A2M: variants seen among roughly 807,000 people sequenced by gnomAD.
The protein encoded by A2M is C3 and PZP-like alpha-2-macroglobulin domain-containing protein 5.
Under a neutral mutation model 183.9 loss-of-function variants are expected in A2M, and 128 were observed. The observed-to-expected ratio is 0.70, with a 90% CI of 0.60 to 0.81. The LOEUF (loss-of-function observed/expected upper bound fraction) is 0.81. Among genes scored for constraint, A2M ranks in the 30% least tolerant of loss-of-function variants. The probability of loss-of-function intolerance (pLI) is 0.00; values close to 1 mark genes in which losing one functional copy is unlikely to be tolerated. For synonymous variants in A2M, 592 were observed against 670.8 expected (o/e 0.88, Z 1.81); for missense variants, 1,495 against 1,787.6 (o/e 0.84, Z 2.95).
chr12:9,101,264 T>A, intron 12 of A2M, 57 bp from the exon 13 acceptor site: 1 of 1,509,602 alleles, frequency 6.6e-7, no homozygotes, highest in Non-Finnish European at 9.0e-7. Flanking sequence ...CGCTTCAGTC[T>A]CACTTCAATA....
chr12:9,099,311 G>A, intron 14 of A2M, 70 bp downstream of exon 14: 1 of 1,465,166 alleles, frequency 6.8e-7, no homozygotes, highest in Non-Finnish European at 9.3e-7. Flanking sequence ...GTTCACATGT[G>A]TAAAACAAAT....
intron 22 of A2M, among the ~76,000 whole-genome samples, chr12:9,082,721 T>C (rs763994325): frequency 6.6e-6 from 1 of 152,336 alleles, no homozygotes; most frequent in African/African-American, 2.4e-5. Context: ...TAAAGATCTA[T>C]GAAATCACTG....
intron 29 of A2M, among the ~76,000 whole-genome samples, chr12:9,074,187 G>C (rs2137661915): frequency 6.6e-6 from 1 of 152,230 alleles, no homozygotes; most frequent in East Asian, 1.9e-4. Flanking sequence ...GATTTGCGAG[G>C]AGAGGTTGTT....
At chr12:9,086,401 C>G (rs1949053410) in intron 22 of A2M, among the ~76,000 whole-genome samples, 1 of 152,250 alleles carries the variant, frequency 6.6e-6, no homozygotes, top group Admixed American at 6.5e-5. Flanking sequence ...ACGAAATAAA[C>G]TAGCAGACTA....
rs74878986 is a variant in A2M at position 9,098,811 on chromosome 12, T to C, written c.1702-55A>G. ...GCAAATTTCCAGGTTTACCCATGCA[T>C]TCACTCGCATTTGCAGAGTGTTCCT... is the stretch of plus-strand genomic sequence containing the variant. On this transcript the variant is annotated intron_variant, in intron 14 of 35. Coordinates refer to ENST00000318602, the MANE Select transcript of A2M (RefSeq NM_000014.6). 4,684 of 1,581,144 alleles carry C rather than the reference T, an allele frequency of 3.0e-3. 17 individuals carry two copies. Among genetic ancestry groups the C allele is most frequent in the South Asian group, 3.7e-3 (319 of 85,920 alleles).
intron 29 of A2M, 115 bp downstream of exon 29, chr12:9,074,445 C>T: frequency 9.5e-7 from 1 of 1,052,010 alleles, no homozygotes; most frequent in Non-Finnish European, 1.4e-6. Context: ...AAAACTTTTC[C>T]TCATTTCAAG....
At position 9,079,654 on chromosome 12, in the gene A2M, C is replaced by T; in HGVS notation, c.3016G>A (p.Gly1006Ser). 6.2e-7 allele frequency: 1 copy of T among 1,613,260 alleles called. No homozygotes were observed. Among genetic ancestry groups the T allele is most frequent in the Non-Finnish European group, 8.5e-7 (1 of 1,179,510 alleles). ...LTPEIKSKAIGYLNTGYQRQL... is the reference protein window; with the variant it reads ...LTPEIKSKAISYLNTGYQRQL... ...AATCACTCACCAGTGTTGAGATAGC[C>T]AATGGCCTTGGACTTGATCTCTGGA... The change falls in exon 24 of 36, where the codon GGC becomes AGC. Residue 1006 changes from glycine to serine, a missense_variant. Gly to Ser is a moderately conservative substitution (Grantham distance 56). Transcript: ENST00000318602.
chr12:9,076,818 G>A lies in A2M; in HGVS notation c.3470C>T (p.Ala1157Val). The A allele has an allele frequency of 1.2e-6, 2 of 1,613,958 alleles. No homozygotes were observed. The highest frequency in any genetic ancestry group is 1.7e-6 in the Non-Finnish European group (2 of 1,179,956). Residue 1157 changes from alanine to valine, a missense_variant, in exon 28 of 36, where the codon GCA becomes GTA. Physicochemically the swap from Ala to Val is moderately conservative, Grantham distance 64. Transcript: ENST00000318602. ...TTCCTTCCTCTTGTCCTGGTTACCT[G>A]CCAGGGCAAAAGCATAGGCCAGCAG... ...KALLAYAFALAGNQDKRKEVL... is the reference protein window; with the variant it reads ...KALLAYAFALVGNQDKRKEVL...
At position 9,074,578 on chromosome 12, in the gene A2M, G is replaced by T. The variant is rs928708801; in HGVS notation, c.3738C>A (p.Gly1246=). 1 of 1,611,672 alleles carries T rather than the reference G, an allele frequency of 6.2e-7. No individual in the cohort carries two copies. Residue 1246 remains glycine (G), a synonymous_variant, in exon 29 of 36, where the codon GGC becomes GGA. Transcript: ENST00000318602. Reference sequence around the variant, plus strand: ...CACCAACCTGGGTGGAGGAGAAACCGCCCTGGGCATTCTGCTGCTTCGTGA... The same window carrying T: ...CACCAACCTGGGTGGAGGAGAAACCTCCCTGGGCATTCTGCTGCTTCGTGA... ...KWITKQQNAQ[G]GFSSTQDTVV...
Position 9,109,983 on chromosome 12 carries a change from C to T in A2M, c.557G>A (p.Gly186Asp). Residue 186 changes from glycine to aspartate, a missense_variant, in exon 6 of 36, where the codon GGC becomes GAC. By Grantham distance (94) the Gly-to-Asp change is moderately conservative (BLOSUM62 -1). Transcript: ENST00000318602. ...GAGGGGAAAAGAAAATTGCTTGAGGCCACCCTCTAACTGGAAACTCTGCCA... is the reference window on the plus strand; with the variant it reads ...GAGGGGAAAAGAAAATTGCTTGAGGTCACCCTCTAACTGGAAACTCTGCCA... ...AQWQSFQLEG[G>D]LKQFSFPLSS... 6.2e-7 allele frequency: 1 copy of T among 1,613,596 alleles called. No homozygotes were observed. Among genetic ancestry groups the T allele is most frequent in the Non-Finnish European group, 8.5e-7 (1 of 1,179,696 alleles).
At position 9,079,751 on chromosome 12, in the gene A2M, T is replaced by C; in HGVS notation, c.2919A>G (p.Gly973=). 1.2e-6 allele frequency: 2 copies of C among 1,613,666 alleles called. No individual in the cohort carries two copies. Among genetic ancestry groups the C allele is most frequent in the African/African-American group, 1.3e-5 (1 of 75,042 alleles). The change falls in exon 24 of 36, where the codon GGA becomes GGG. Residue 973 remains glycine, a synonymous_variant. Transcript: ENST00000318602. ...QNLLQMPYGC[G]EQNMVLFAPN... ...GAGCAAAGAGGACCATATTCTGCTC[T>C]CCACAGCCATAGGGCATCTGGAGAA...
At position 9,091,401 on chromosome 12, in the gene A2M, T is replaced by C. The variant is rs752065123; in HGVS notation, c.2269A>G (p.Thr757Ala). 4 of 1,614,182 alleles carry C rather than the reference T, an allele frequency of 2.5e-6. No individual in the cohort carries two copies. The Admixed American group carries it at 5.0e-5, about 20-fold the overall frequency. Reference protein sequence around the residue: ...NSAGVAEVGVTVPDTITEWKA... With the variant: ...NSAGVAEVGVAVPDTITEWKA... Reference sequence around the variant, plus strand: ...CACTCGGTGATGGTGTCAGGGACTGTTACTCCTACCTCAGCCACACCTGCT... The same window carrying C: ...CACTCGGTGATGGTGTCAGGGACTGCTACTCCTACCTCAGCCACACCTGCT... The change falls in exon 19 of 36, where the codon ACA (threonine) becomes GCA (alanine). Residue 757 changes from threonine (T) to alanine (A), a missense_variant. Physicochemically the swap from Thr to Ala is moderately conservative, Grantham distance 58. Transcript: ENST00000318602.
At chr12:9,080,260 A>ACTAT in intron 22 of A2M, 83 bp from the exon 23 acceptor site, 1 of 896,702 alleles carries the variant, frequency 1.1e-6, no homozygotes, top group Non-Finnish European at 1.8e-6. Context: ...AGAAGCTAGG[A>ACTAT]CTATGCCTTA....
chr12:9,077,821 A>C lies in A2M; in HGVS notation c.3156T>G (p.Ala1052=), dbSNP rs767418416. 1 of 1,614,150 alleles carries C rather than the reference A, an allele frequency of 6.2e-7. No homozygotes were observed. Among genetic ancestry groups the C allele is most frequent in the Non-Finnish European group, 8.5e-7 (1 of 1,180,008 alleles). The change falls in exon 26 of 36, where the codon GCT becomes GCG. Residue 1052 remains alanine (A), a synonymous_variant. Transcript: ENST00000318602. Reference sequence around the variant, plus strand: ...CTTCATCGATGAAGATGTAGGCTCGAGCTTGGGCAAAAGTCTTCAGAACAA... The same window carrying C: ...CTTCATCGATGAAGATGTAGGCTCGCGCTTGGGCAAAAGTCTTCAGAACAA... ...TAFVLKTFAQ[A]RAYIFIDEAH...
At chr12:9,112,131 C>G in intron 4 of A2M, 28 bp downstream of exon 4, 1 of 1,611,222 alleles carries the variant, frequency 6.2e-7, no homozygotes. Context: ...TACAGACAAT[C>G]ATTTTATGTA....
intron 11 of A2M, 26 bp from the exon 12 acceptor site, chr12:9,101,700 T>A: frequency 6.6e-7 from 1 of 1,516,216 alleles, no homozygotes; most frequent in African/African-American, 1.4e-5. Flanking sequence ...AATTATATTA[T>A]TTTTAGATTA....
intron 22 of A2M, among the ~76,000 whole-genome samples, chr12:9,086,625 T>C (rs536678325): frequency 2.0e-4 from 30 of 152,198 alleles, no homozygotes; most frequent in Non-Finnish European, 3.7e-4. Flanking sequence ...AAATTAGATA[T>C]ACAAGCAATG....
rs1948754479 is a variant in A2M at position 9,076,629 on chromosome 12, A to C, written c.3532+127T>G. On this transcript the variant is annotated intron_variant, in intron 28 of 35. Transcript: ENST00000318602. ...ATTTTATAAGATGCAATATGGACAA[A>C]ATATATATGATATATAGAAAAGAAG... is the stretch of plus-strand genomic sequence containing the variant. The C allele has an allele frequency of 1.2e-5, 10 of 814,468 alleles. No homozygotes were observed. In the East Asian group the frequency reaches 2.7e-4, roughly 22 times the overall value. 50.5% of individuals were successfully genotyped at this position (814,468 alleles called of 1,614,324 possible).
chr12:9,076,663 C>T (rs1037029000), intron 28 of A2M, 93 bp downstream of exon 28: 1 of 1,137,730 alleles, frequency 8.8e-7, no homozygotes, highest in African/African-American at 1.5e-5. Flanking sequence ...AGAGAGGAGA[C>T]AGGGATCACA....
Sources: gnomAD v4.1 joint callset for allele counts (sites outside exome capture counted in the v4.1 genomes callset) on GRCh38, gnomAD v4.1.1 for gene constraint, MANE v1.5 for transcripts, NCBI Gene and HGNC (gene_info 2026-07-23, HGNC 2026-07-21) for gene names.